Variants in FHIP1A observed in about 807,000 individuals in gnomAD.
FHIP1A encodes FHF complex subunit HOOK-interacting protein 1A.
Under a neutral mutation model 88.6 loss-of-function variants are expected in FHIP1A, and 61 were observed. That is an observed-to-expected ratio of 0.69 (90% CI 0.56 to 0.85). The LOEUF (loss-of-function observed/expected upper bound fraction) is 0.85. FHIP1A is among the 40% of genes least tolerant of loss of function. FHIP1A has a pLI of 0.00. For missense variants in FHIP1A, 1,154 were observed against 1,273.5 expected, an observed-to-expected ratio of 0.91 and a Z score of 1.43; for synonymous variants, 478 against 496.0, an observed-to-expected ratio of 0.96 and a Z score of 0.48.
At chr4:151,422,320 A>G (rs919846960) in intron 1 of FHIP1A, among the ~76,000 whole-genome samples, 6 of 152,026 alleles carry the variant, frequency 3.9e-5, no homozygotes, top group African/African-American at 1.4e-4. Context: ...AGACCAGTGC[A>G]TGACATTCAA....
At chr4:151,624,952 T>C (rs1735897881) in intron 7 of FHIP1A, among the ~76,000 whole-genome samples, 1 of 152,192 alleles carries the variant, frequency 6.6e-6, no homozygotes, top group South Asian at 2.1e-4. Context: ...GTCTTCCCTT[T>C]TGTACTTAAA....
At chr4:151,645,953 C>A (rs1253603061) in intron 9 of FHIP1A, among the ~76,000 whole-genome samples, 1 of 152,042 alleles carries the variant, frequency 6.6e-6, no homozygotes, top group Non-Finnish European at 1.5e-5. Context: ...TTTCTCCTGG[C>A]CACACGTAAG....
Position 151,502,985 on chromosome 4 carries a change from G to A in FHIP1A, c.-123+20337G>A, listed in dbSNP as rs574878002. Among the ~76,000 whole-genome samples the A allele has an allele frequency of 1.4e-4, 22 of 152,208 alleles. No homozygotes were observed. In the East Asian group the frequency reaches 2.1e-3, roughly 15 times the overall value. The stretch of plus-strand genomic sequence containing the variant: ...TATTCTTCTTCTGAAATTGGAATGG[G>A]CCCATTATGTTTCTCCACATTTGCG... On this transcript the variant is annotated intron_variant, in intron 3 of 13. Coordinates refer to ENST00000435205, the MANE Select transcript of FHIP1A (RefSeq NM_001109977.3).
At chr4:151,499,474 C>T (rs1189386079) in intron 3 of FHIP1A, among the ~76,000 whole-genome samples, 1 of 152,188 alleles carries the variant, frequency 6.6e-6, no homozygotes, top group Non-Finnish European at 1.5e-5. Context: ...ACATCTTGAA[C>T]TTTCCTTGAC....
chr4:151,537,210 A>C (rs1460045322), intron 3 of FHIP1A, among the ~76,000 whole-genome samples: 1 of 151,806 alleles, frequency 6.6e-6, no homozygotes, highest in East Asian at 1.9e-4. Context: ...AATGTTTTCC[A>C]GAGTGACTAT....
At chr4:151,411,720 G>T (rs28479832) in intron 1 of FHIP1A, among the ~76,000 whole-genome samples, 12,708 of 152,074 alleles carry the variant, frequency 0.084, 927 homozygotes, top group South Asian at 0.28. Flanking sequence ...AAGCAAAATT[G>T]CTTTATTTAA....
intron 3 of FHIP1A, among the ~76,000 whole-genome samples, chr4:151,560,499 C>T (rs1260887274): frequency 6.6e-6 from 1 of 152,156 alleles, no homozygotes. Context: ...AGAGCATCTA[C>T]TTCAAGTCTC....
intron 3 of FHIP1A, among the ~76,000 whole-genome samples, chr4:151,545,949 G>A (rs1222275249): frequency 1.3e-5 from 2 of 152,072 alleles, no homozygotes; most frequent in Non-Finnish European, 2.9e-5. Flanking sequence ...TTAATTGTAA[G>A]TGTCAACTTG....
At chr4:151,517,210 C>T (rs1466970223) in intron 3 of FHIP1A, among the ~76,000 whole-genome samples, 1 of 151,944 alleles carries the variant, frequency 6.6e-6, no homozygotes, top group Non-Finnish European at 1.5e-5. Context: ...GAACAAAAAA[C>T]CAAACACCGC....
intron 9 of FHIP1A, 148 bp from the exon 10 acceptor site, chr4:151,646,410 C>T (rs192587314): frequency 6.1e-5 from 35 of 578,186 alleles, no homozygotes; most frequent in Non-Finnish European, 1.0e-4. Flanking sequence ...AAGGAGTGAA[C>T]CCTGGTGGCT....
intron 7 of FHIP1A, among the ~76,000 whole-genome samples, chr4:151,608,448 C>T (rs1735169802): frequency 6.6e-6 from 1 of 152,190 alleles, no homozygotes; most frequent in African/African-American, 2.4e-5. Context: ...CACATGTTCT[C>T]AAACTTGAAT....
At chr4:151,482,954 G>C (rs1223003795) in intron 3 of FHIP1A, among the ~76,000 whole-genome samples, 3 of 152,038 alleles carry the variant, frequency 2.0e-5, no homozygotes, top group Admixed American at 6.6e-5. Flanking sequence ...TAGAACTTGG[G>C]TGATGATCAT....
intron 2 of FHIP1A, among the ~76,000 whole-genome samples, chr4:151,464,685 C>A (rs1729248470): frequency 6.6e-6 from 1 of 152,158 alleles, no homozygotes; most frequent in Non-Finnish European, 1.5e-5. Flanking sequence ...TATTGTGTAT[C>A]TTGAATGTTC....
chr4:151,460,400 A>T (rs1455314770), intron 2 of FHIP1A, among the ~76,000 whole-genome samples: 1 of 152,116 alleles, frequency 6.6e-6, no homozygotes, highest in Non-Finnish European at 1.5e-5. Context: ...ATAGCTACTC[A>T]CATCTAGTTA....
At chr4:151,527,256 C>G (rs1731707074) in intron 3 of FHIP1A, among the ~76,000 whole-genome samples, 2 of 152,226 alleles carry the variant, frequency 1.3e-5, no homozygotes, top group Non-Finnish European at 2.9e-5. Flanking sequence ...GTGAACGAGA[C>G]TCCGTCTGCA....
intron 2 of FHIP1A, among the ~76,000 whole-genome samples, chr4:151,475,681 G>A (rs565296607): frequency 5.3e-5 from 8 of 152,088 alleles, no homozygotes; most frequent in African/African-American, 1.9e-4. Context: ...AGTTTGTGGG[G>A]CTGCTTAGGA....
chr4:151,462,915 C>T lies in FHIP1A; in HGVS notation c.-248+8107C>T, dbSNP rs554872463. 4.6e-5 allele frequency among the ~76,000 whole-genome samples: 7 copies of T among 152,228 alleles called. No homozygotes were observed. In the South Asian group the frequency reaches 1.5e-3, roughly 32 times the overall value. ...TAGTATTGTATTTTATGCGGAATTA[C>T]ATGGAGTTTTCAAGGGTAGTTTTAC... On this transcript the variant is annotated intron_variant, in intron 2 of 13. Transcript: ENST00000435205.
chr4:151,577,543 T>C lies in FHIP1A; in HGVS notation c.199T>C (p.Tyr67His). The C allele has an allele frequency of 6.4e-7, 1 of 1,551,790 alleles. No homozygotes were observed. Among genetic ancestry groups the C allele is most frequent in the South Asian group, 1.2e-5 (1 of 84,052 alleles). Residue 67 changes from tyrosine to histidine, a missense_variant, in exon 5 of 14, where the codon TAC (tyrosine) becomes CAC (histidine). Physicochemically the swap from Tyr to His is moderately conservative, Grantham distance 83. Transcript: ENST00000435205. ...PPDEASAVQN[Y>H]VEHMLFLLIE... The stretch of plus-strand genomic sequence containing the variant: ...AGATGAGGCCAGTGCCGTGCAGAAT[T>C]ACGTAGAACACATGCTCTTCTTGTT...
rs1319820669 is a variant in FHIP1A, at chr4:151,588,956, C to T, written c.978+30C>T. ...GTGATTGGCTCATGTAATCTTCTGT[C>T]TCTATAATACAAGTGATGGACACTG... On this transcript the variant is annotated intron_variant, in intron 7 of 13. Coordinates refer to ENST00000435205, the MANE Select transcript of FHIP1A (RefSeq NM_001109977.3). 6 of 1,375,834 alleles carry T rather than the reference C, an allele frequency of 4.4e-6. No homozygotes were observed. In the South Asian group the frequency reaches 7.5e-5, roughly 17 times the overall value. The allele number at this position is 1,375,834 out of a possible 1,614,324, so 85.2% of individuals were successfully genotyped here.
Sources: allele counts gnomAD v4.1 joint callset (sites outside exome capture counted in the v4.1 genomes callset), GRCh38; gene constraint gnomAD v4.1.1; transcripts MANE v1.5; gene names NCBI Gene and HGNC (gene_info 2026-07-23, HGNC 2026-07-21).